Variants in PCDH15 observed in about 807,000 individuals in gnomAD.
The protein encoded by PCDH15 is protocadherin related 15, also known as protocadherin-15.
PCDH15 carries 129 observed loss-of-function variants against 178.5 expected under a neutral mutation model. That is an observed-to-expected ratio of 0.72 (90% CI 0.63 to 0.84). The LOEUF is 0.84. Among genes scored for constraint, PCDH15 ranks in the 40% least tolerant of loss-of-function variants. PCDH15 has a pLI of 0.00. For synonymous variants in PCDH15, 800 were observed against 732.0 expected, an observed-to-expected ratio of 1.09 and a Z score of -1.50; for missense variants, 2,230 against 2,099.9, an observed-to-expected ratio of 1.06 and a Z score of -1.21.
chr10:55,400,664 T>C (rs1340549561), intron 2 of PCDH15, among the ~76,000 whole-genome samples: 3 of 152,166 alleles, frequency 2.0e-5, no homozygotes, highest in African/African-American at 7.2e-5. Flanking sequence ...AAGGCCCTCA[T>C]ACTGTAAACA....
chr10:54,000,082 C>G (rs2092053680), intron 20 of PCDH15, among the ~76,000 whole-genome samples: 1 of 152,162 alleles, frequency 6.6e-6, no homozygotes, highest in Non-Finnish European at 1.5e-5. Context: ...GGATCTTATC[C>G]AAGACCATTA....
chr10:55,549,995 A>G (rs1410796077), intron 2 of PCDH15, among the ~76,000 whole-genome samples: 1 of 151,988 alleles, frequency 6.6e-6, no homozygotes, highest in Non-Finnish European at 1.5e-5. Flanking sequence ...CTAAGACTCA[A>G]TGATTTTGTA....
intron 2 of PCDH15, among the ~76,000 whole-genome samples, chr10:55,458,572 A>G (rs1839603614): frequency 6.6e-6 from 1 of 152,056 alleles, no homozygotes; most frequent in Non-Finnish European, 1.5e-5. Context: ...TTAGTGGCAA[A>G]TAAATAAGAA....
chr10:54,900,531 T>C (rs1954621576), intron 2 of PCDH15, among the ~76,000 whole-genome samples: 1 of 152,180 alleles, frequency 6.6e-6, no homozygotes. Context: ...AAGAAATTAA[T>C]TTCAATCCAT....
chr10:54,037,900 G>C (rs1054828481), intron 18 of PCDH15, among the ~76,000 whole-genome samples: 2 of 151,952 alleles, frequency 1.3e-5, no homozygotes, highest in Non-Finnish European at 2.9e-5. Context: ...TTGCCCAGAG[G>C]AAACATTACT....
intron 2 of PCDH15, among the ~76,000 whole-genome samples, chr10:55,568,415 T>A (rs1353574150): frequency 6.6e-6 from 1 of 151,808 alleles, no homozygotes; most frequent in Non-Finnish European, 1.5e-5. Context: ...GGAGGGAAAA[T>A]TTTTCAGTTT....
chr10:55,535,329 T>TA (rs1446254986), intron 2 of PCDH15, among the ~76,000 whole-genome samples: 2 of 152,044 alleles, frequency 1.3e-5, no homozygotes, highest in Non-Finnish European at 2.9e-5. Context: ...TATAGAAATT[T>TA]AAAAAATGTG....
At position 54,972,252 on chromosome 10, in the gene PCDH15, A is replaced by C. The variant is rs369503757; in HGVS notation, c.-79-74752T>G. Among the ~76,000 whole-genome samples, 5 of 152,164 alleles carry C rather than the reference A, an allele frequency of 3.3e-5. No homozygotes were observed. In the East Asian group the frequency reaches 7.7e-4, roughly 24 times the overall value. ...TATGTATTTGATATGATTTATAAGA[A>C]TACTTGGCTGGGCGTGGTGGCTCAT... is the stretch of plus-strand genomic sequence containing the variant. On this transcript the variant is annotated intron_variant, in intron 2 of 5. Coordinates refer to the PCDH15 transcript ENST00000458638.
At chr10:54,530,599 A>G (rs574425424) in intron 2 of PCDH15, among the ~76,000 whole-genome samples, 25 of 152,296 alleles carry the variant, frequency 1.6e-4, no homozygotes, top group African/African-American at 5.8e-4. Flanking sequence ...CCATGAGAGC[A>G]GCTCAGAAGT....
In PCDH15 at chr10:55,225,650, T is replaced by A. The variant is rs199575497; in HGVS notation, c.-155-58999A>T. On this transcript the variant is annotated intron_variant, in intron 1 of 5. Coordinates refer to the PCDH15 transcript ENST00000458638. The stretch of plus-strand genomic sequence containing the variant: ...GTGTGTGTGTTTGTGTGTGTGTGTG[T>A]GAGAGAGAGAGAGAGAGAGAGAAAC... 1.9e-3 allele frequency among the ~76,000 whole-genome samples: 285 copies of A among 148,114 alleles called. 2 individuals are homozygous for A. In the East Asian group the frequency reaches 0.027, roughly 14 times the overall value.
rs538303262 is a variant in PCDH15 at position 54,855,698 on chromosome 10, C to A, written c.-29+41752G>T. 5.9e-4 allele frequency among the ~76,000 whole-genome samples: 90 copies of A among 152,186 alleles called. 1 individual carries two copies. In the South Asian group the frequency reaches 0.014, roughly 24 times the overall value. On this transcript the variant is annotated intron_variant, in intron 3 of 5. Transcript: ENST00000458638. The stretch of plus-strand genomic sequence containing the variant: ...TTAAAAAAGAATTTAAAATGTTATT[C>A]TAGGAATTAATTTTTTACTCAGAGA...
intron 7 of PCDH15, among the ~76,000 whole-genome samples, chr10:54,320,998 A>AAT (rs1035556347): frequency 9.3e-5 from 14 of 151,060 alleles, no homozygotes; most frequent in Admixed American, 7.3e-4. Flanking sequence ...TAAATTTCTA[A>AAT]ATATATATAT....
intron 2 of PCDH15, among the ~76,000 whole-genome samples, chr10:55,406,179 G>C (rs1838193528): frequency 6.6e-6 from 1 of 151,876 alleles, no homozygotes; most frequent in Admixed American, 6.6e-5. Context: ...AAAATAACAG[G>C]GGTAAAAAAG....
At chr10:54,469,584 T>C (rs1296560194) in intron 3 of PCDH15, among the ~76,000 whole-genome samples, 2 of 152,168 alleles carry the variant, frequency 1.3e-5, no homozygotes, top group Admixed American at 6.6e-5. Context: ...TTGGCCCCCA[T>C]TGGCGGCAGT....
At chr10:54,468,385 T>C (rs1007977697) in intron 3 of PCDH15, among the ~76,000 whole-genome samples, 2 of 152,080 alleles carry the variant, frequency 1.3e-5, no homozygotes, top group Non-Finnish European at 2.9e-5. Flanking sequence ...TTCAATACAT[T>C]TTTTGATTCC....
chr10:54,564,763 C>G (rs2088751846), intron 2 of PCDH15, among the ~76,000 whole-genome samples: 1 of 151,962 alleles, frequency 6.6e-6, no homozygotes, highest in Admixed American at 6.6e-5. Context: ...AATTCTATCT[C>G]TTTGTATTGT....
chr10:55,038,012 C>T (rs1840778738), intron 2 of PCDH15, among the ~76,000 whole-genome samples: 1 of 152,068 alleles, frequency 6.6e-6, no homozygotes, highest in Non-Finnish European at 1.5e-5. Context: ...AATGTGGCTA[C>T]ACAACAACAC....
At chr10:54,871,074 G>A (rs1304085225) in intron 3 of PCDH15, among the ~76,000 whole-genome samples, 2 of 152,176 alleles carry the variant, frequency 1.3e-5, no homozygotes, top group East Asian at 3.9e-4. Context: ...ATTCTGTGTG[G>A]AACTTTAAAA....
chr10:55,129,801 CA>C (rs1240889900), intron 2 of PCDH15, among the ~76,000 whole-genome samples: 1 of 151,934 alleles, frequency 6.6e-6, no homozygotes, highest in Non-Finnish European at 1.5e-5. Flanking sequence ...ATTGAAAATA[CA>C]AAAATGGATA....
Sources: allele counts gnomAD v4.1 joint callset (sites outside exome capture counted in the v4.1 genomes callset), GRCh38; gene constraint gnomAD v4.1.1; transcripts MANE v1.5; gene names NCBI Gene and HGNC (gene_info 2026-07-23, HGNC 2026-07-21).